The following ABL1 variants were observed in gnomAD, a reference collection of about 807,000 sequenced individuals.
The protein encoded by ABL1 is ABL proto-oncogene 1, non-receptor tyrosine kinase.
Under a neutral mutation model 94.7 loss-of-function variants are expected in ABL1, and 11 were observed. The ratio of observed to expected loss-of-function variants is 0.12; its 90% confidence interval spans 0.07 to 0.19. The LOEUF is 0.19. ABL1 is among the 10% of genes least tolerant of loss of function. The pLI is 1.00. For missense variants in ABL1, 1,082 were observed against 1,489.4 expected (o/e 0.73, Z 4.50); for synonymous variants, 656 against 622.4 (o/e 1.05, Z -0.80).
intron 4 of ABL1, among the ~76,000 whole-genome samples, chr9:130,871,012 A>G (rs1831242425): frequency 6.6e-6 from 1 of 152,186 alleles, no homozygotes; most frequent in Non-Finnish European, 1.5e-5. Context: ...GGAACATACA[A>G]GGTTCTACGT....
intron 1 of ABL1, among the ~76,000 whole-genome samples, chr9:130,850,899 GTT>G (rs1383777511): frequency 6.6e-6 from 1 of 151,762 alleles, no homozygotes; most frequent in Admixed American, 6.6e-5. Context: ...TCACGTTGTT[GTT>G]TTTTGTTTGT....
At position 130,886,161 on chromosome 9, in the gene ABL1, T is replaced by C. The variant is rs1334101018; in HGVS notation, c.*478T>C. Reference sequence around the variant, plus strand: ...GCCCTCTGCCTGCACTCCCTGGCCTTGCCCGTCGTGTGCTGAAGACATGTT... The same window carrying C: ...GCCCTCTGCCTGCACTCCCTGGCCTCGCCCGTCGTGTGCTGAAGACATGTT... On this transcript the variant is annotated 3_prime_UTR_variant, in exon 11 of 11. Coordinates refer to ENST00000318560, the MANE Select transcript of ABL1 (RefSeq NM_005157.6). The C allele has an allele frequency of 4.1e-6, 1 of 245,408 alleles. No homozygotes were observed. The highest frequency in any genetic ancestry group is 8.0e-6 in the Non-Finnish European group (1 of 125,614). The allele number at this position is 245,408 out of a possible 1,614,324, so 15.2% of individuals were successfully genotyped here. A position where few individuals can be genotyped will look rare whatever the true frequency, so the allele number is the denominator to read the frequency against.
chr9:130,715,982 C>T (rs1358099220), intron 1 of ABL1, among the ~76,000 whole-genome samples: 1 of 149,286 alleles, frequency 6.7e-6, no homozygotes, highest in Non-Finnish European at 1.5e-5. Context: ...TCATTGCATT[C>T]TTCATGACGT....
chr9:130,802,095 C>CTTTTTTTTTTTTTT lies in ABL1; in HGVS notation c.137-51967_137-51954dup, dbSNP rs3085157. Among the ~76,000 whole-genome samples, 5 of 132,078 alleles carry CTTTTTTTTTTTTTT rather than the reference C, an allele frequency of 3.8e-5. 1 individual carries two copies. The South Asian group carries it at 7.2e-4, about 19-fold the overall frequency. 86.6% of individuals were successfully genotyped at this position (132,078 alleles called of 152,430 possible). On this transcript the variant is annotated intron_variant, in intron 1 of 10. Transcript: ENST00000372348. ...AGTCTGTTCATTTTTTTCCTTCAGTCTTTTTTTTTTTTTTTGAAATGGTCT... is the reference window on the plus strand; with the variant it reads ...AGTCTGTTCATTTTTTTCCTTCAGTCTTTTTTTTTTTTTTTTTTTTTTTTTTTTTGAAATGGTCT...
intron 1 of ABL1, among the ~76,000 whole-genome samples, chr9:130,795,690 A>C (rs901769336): frequency 5.3e-5 from 8 of 152,240 alleles, no homozygotes; most frequent in African/African-American, 1.9e-4. Context: ...AATTCTTAAC[A>C]AAAAAGCCAG....
At chr9:130,800,761 A>G (rs1445574140) in intron 1 of ABL1, among the ~76,000 whole-genome samples, 1 of 152,164 alleles carries the variant, frequency 6.6e-6, no homozygotes, top group African/African-American at 2.4e-5. Context: ...ATTGCATTAT[A>G]TGAATATCTC....
At chr9:130,764,648 A>G (rs1175400666) in intron 1 of ABL1, among the ~76,000 whole-genome samples, 2 of 152,166 alleles carry the variant, frequency 1.3e-5, no homozygotes, top group Non-Finnish European at 2.9e-5. Context: ...TTGGATGAAT[A>G]ATGTCACTTA....
rs1830935288 is a variant in ABL1 at position 130,854,147 on chromosome 9, C to A, written c.163C>A (p.Leu55Ile). 6.2e-7 allele frequency: 1 copy of A among 1,614,110 alleles called. No homozygotes were observed. The highest frequency in any genetic ancestry group is 8.5e-7 in the Non-Finnish European group (1 of 1,180,056). ...TCGTTGGAACTCCAAGGAAAACCTTCTCGCTGGACCCAGTGAAAATGACCC... is the reference window on the plus strand; with the variant it reads ...TCGTTGGAACTCCAAGGAAAACCTTATCGCTGGACCCAGTGAAAATGACCC... ...AARWNSKENL[L>I]AGPSENDPNL... Residue 55 changes from leucine to isoleucine, a missense_variant, in exon 2 of 11, where the codon CTC (leucine) becomes ATC (isoleucine). Around this residue, in one of 7 missense-constraint regions of ABL1, gnomAD observed 65 missense variants for 80.8 expected, o/e 0.80. Transcript: ENST00000318560.
intron 1 of ABL1, among the ~76,000 whole-genome samples, chr9:130,730,998 CTTTTTTTTTTTTT>C (rs11300328): frequency 1.2e-4 from 8 of 64,464 alleles, no homozygotes; most frequent in African/African-American, 4.4e-4. Context: ...CTCTATCTCT[CTTTTTTTTTTTTT>C]TTTTTTTTTT....
In ABL1 at chr9:130,887,017, G is replaced by A. The variant is rs143273040; in HGVS notation, c.*1334G>A. 34 of 233,034 alleles carry A rather than the reference G, an allele frequency of 1.5e-4. No homozygotes were observed. Among genetic ancestry groups the A allele is most frequent in the Middle Eastern group, 1.3e-3 (1 of 784 alleles). 14.4% of individuals were successfully genotyped at this position (233,034 alleles called of 1,614,324 possible). On this transcript the variant is annotated 3_prime_UTR_variant, in exon 11 of 11. Coordinates refer to ENST00000318560, the MANE Select transcript of ABL1 (RefSeq NM_005157.6). ...AGAGCACGCCTGCCATCTTCTCCCC[G>A]AGGCTGCCCCAGGCCGGAGCCCAGA...
At chr9:130,838,153 G>A (rs1830616785) in intron 1 of ABL1, among the ~76,000 whole-genome samples, 1 of 152,206 alleles carries the variant, frequency 6.6e-6, no homozygotes, top group Non-Finnish European at 1.5e-5. Context: ...AGGAAACTGA[G>A]TCACCAAAAG....
At chr9:130,847,219 C>G (rs1023977462) in intron 1 of ABL1, among the ~76,000 whole-genome samples, 6 of 151,962 alleles carry the variant, frequency 3.9e-5, no homozygotes, top group African/African-American at 1.2e-4. Context: ...AGATCCAGAT[C>G]TTAAATCTGT....
At chr9:130,780,007 C>T (rs916496950) in intron 1 of ABL1, among the ~76,000 whole-genome samples, 1 of 152,144 alleles carries the variant, frequency 6.6e-6, no homozygotes, top group Non-Finnish European at 1.5e-5. Flanking sequence ...AGCCCTGGGC[C>T]GGGCGCGGTG....
intron 1 of ABL1, among the ~76,000 whole-genome samples, chr9:130,759,720 T>C (rs1832086265): frequency 6.6e-6 from 1 of 152,184 alleles, no homozygotes; most frequent in Non-Finnish European, 1.5e-5. Flanking sequence ...CTGGAGACCA[T>C]GTCTCAGTGG....
chr9:130,857,811 G>A (rs983760986), intron 3 of ABL1, among the ~76,000 whole-genome samples: 19 of 152,034 alleles, frequency 1.2e-4, no homozygotes, highest in South Asian at 4.2e-4. Context: ...TGCAGTGTGC[G>A]TGACGGACAA....
At chr9:130,849,749 C>A (rs545633666) in intron 1 of ABL1, among the ~76,000 whole-genome samples, 1 of 152,188 alleles carries the variant, frequency 6.6e-6, no homozygotes, top group Non-Finnish European at 1.5e-5. Context: ...AACTCCTGAC[C>A]TCAAGTGATT....
At chr9:130,847,677 A>G (rs537382962) in intron 1 of ABL1, among the ~76,000 whole-genome samples, 19 of 152,332 alleles carry the variant, frequency 1.2e-4, no homozygotes, top group African/African-American at 4.3e-4. Flanking sequence ...TGCATGAGCA[A>G]TACTTCCCTT....
chr9:130,713,612 C>T (rs188312497), exon 1 of ABL1, among the ~76,000 whole-genome samples: 39 of 152,322 alleles, frequency 2.6e-4, no homozygotes, highest in Non-Finnish European at 2.1e-4. Flanking sequence ...CCTCTAATGC[C>T]CTGACTTCTT....
At chr9:130,717,806 G>A (rs578106455) in intron 1 of ABL1, among the ~76,000 whole-genome samples, 101 of 149,688 alleles carry the variant, frequency 6.7e-4, no homozygotes, top group African/African-American at 2.5e-3. Context: ...CTGAGGTCGG[G>A]AGTTCAGGAC....
Sources: allele counts gnomAD v4.1 joint callset (sites outside exome capture counted in the v4.1 genomes callset), GRCh38; gene constraint gnomAD v4.1.1; regional missense constraint gnomAD v4.1.1; transcripts MANE v1.5; gene names NCBI Gene and HGNC (gene_info 2026-07-23, HGNC 2026-07-21).